The following ZNF395 variants were observed in gnomAD, a reference collection of about 807,000 sequenced individuals.
The protein encoded by ZNF395 is HD gene regulatory region-binding protein 2.
Under a neutral mutation model 57.7 loss-of-function variants are expected in ZNF395, and 20 were observed. The ratio of observed to expected loss-of-function variants is 0.35; its 90% CI spans 0.24 to 0.50. ZNF395 has a LOEUF of 0.50. ZNF395 is among the 20% of genes least tolerant of loss of function. ZNF395 has a pLI of 0.97. For synonymous variants in ZNF395, 295 were observed against 275.9 expected (o/e 1.07, Z -0.69); for missense variants, 606 against 671.2 (o/e 0.90, Z 1.07).
chr8:28,352,191 G>A lies in ZNF395; in HGVS notation c.920+382C>T, dbSNP rs1015913460. Among the ~76,000 whole-genome samples, 9 of 152,178 alleles carry A rather than the reference G, an allele frequency of 5.9e-5. No individual in the cohort carries two copies. The highest frequency in any genetic ancestry group is 3.3e-4 in the Admixed American group (5 of 15,288). ...TGCAAACTCGCTCTGCACAGAACAC[G>A]GCGGAGGCACCAGGGTGGGGCTAGC... On this transcript the variant is annotated intron_variant, in intron 6 of 9. Coordinates refer to ENST00000344423, the MANE Select transcript of ZNF395 (RefSeq NM_018660.3). This position sits in a 1 kb window ranked among gnomAD's most constrained non-coding sequence, Gnocchi z 4.0.
At chr8:28,372,740 T>C (rs1215132603) in intron 1 of ZNF395, among the ~76,000 whole-genome samples, 3 of 152,308 alleles carry the variant, frequency 2.0e-5, no homozygotes, top group Non-Finnish European at 2.9e-5. Context: ...TGAGTTGTAA[T>C]TGTCCCATGC....
intron 1 of ZNF395, among the ~76,000 whole-genome samples, chr8:28,371,318 C>T (rs553717279): frequency 2.0e-5 from 3 of 152,318 alleles, no homozygotes; most frequent in African/African-American, 4.8e-5. Context: ...ATAGCTGCGA[C>T]TACAGGTGCG....
chr8:28,367,169 C>T (rs1368860635), intron 1 of ZNF395, among the ~76,000 whole-genome samples: 2 of 152,010 alleles, frequency 1.3e-5, no homozygotes, highest in Admixed American at 6.6e-5. Flanking sequence ...GACTACACTG[C>T]ATCAGTGTAG....
rs759478170 is a variant in ZNF395 at position 28,353,216 on chromosome 8, G to A, written c.776C>T (p.Pro259Leu). The change falls in exon 5 of 10, where the codon CCT becomes CTT. Residue 259 changes from proline (P) to leucine (L), a missense_variant. Physicochemically the swap from Pro to Leu is moderately conservative, Grantham distance 98 (BLOSUM62 -3). Transcript: ENST00000344423. ...TGGTTCGTCCAGCAGGAAAGGGTCAGGATCGGTCTCAAAGCCATGATCAGT... is the reference window on the plus strand; with the variant it reads ...TGGTTCGTCCAGCAGGAAAGGGTCAAGATCGGTCTCAAAGCCATGATCAGT... ...PQTDHGFETD[P>L]DPFLLDEPAP... 2 of 1,613,828 alleles carry A rather than the reference G, an allele frequency of 1.2e-6. No individual in the cohort carries two copies. Among genetic ancestry groups the A allele is most frequent in the South Asian group, 1.1e-5 (1 of 91,058 alleles).
rs564087732 is a variant in ZNF395 at position 28,365,949 on chromosome 8, G to A, written c.-58-4767C>T. Reference sequence around the variant, plus strand: ...CACATGTCTCAGCACACGTAGGCACGCCCCCACACTTGTGTGCGTGCACAC... The same window carrying A: ...CACATGTCTCAGCACACGTAGGCACACCCCCACACTTGTGTGCGTGCACAC... On this transcript the variant is annotated intron_variant, in intron 1 of 9. Transcript: ENST00000344423. 1.1e-4 allele frequency among the ~76,000 whole-genome samples: 16 copies of A among 152,242 alleles called. No homozygotes were observed. In the East Asian group the frequency reaches 1.4e-3, roughly 13 times the overall value.
In ZNF395 at chr8:28,346,755, C is replaced by T. The variant is rs954460292; in HGVS notation, c.*1964G>A. ...GAGCGAAGTTCCCATGTGTCAAGAA[C>T]GTGCCCTCCCCTCCCCATGAGGACC... On this transcript the variant is annotated 3_prime_UTR_variant, in exon 10 of 10. Coordinates refer to ENST00000344423, the MANE Select transcript of ZNF395 (RefSeq NM_018660.3). The T allele has an allele frequency of 1.3e-5, 2 of 151,550 alleles. No individual in the cohort carries two copies. Among genetic ancestry groups the T allele is most frequent in the African/African-American group, 2.4e-5 (1 of 41,172 alleles). 9.4% of individuals were successfully genotyped at this position (151,550 alleles called of 1,614,324 possible). A position where few individuals can be genotyped will look rare whatever the true frequency, so the allele number is the denominator to read the frequency against.
chr8:28,368,059 C>T (rs945995959), intron 1 of ZNF395, among the ~76,000 whole-genome samples: 1 of 152,088 alleles, frequency 6.6e-6, no homozygotes, highest in Non-Finnish European at 1.5e-5. Flanking sequence ...TGTGGTGGGG[C>T]AGGGGCAGCG....
chr8:28,365,406 T>C (rs570392802), intron 1 of ZNF395: 1 of 152,428 alleles, frequency 6.6e-6, no homozygotes, highest in South Asian at 2.1e-4. Flanking sequence ...TCCTCCAGAA[T>C]CTCCACTTCA....
In ZNF395 at chr8:28,356,618, T is replaced by C. The variant is rs1232621037; in HGVS notation, c.583+52A>G. On this transcript the variant is annotated intron_variant, in intron 4 of 9. Transcript: ENST00000344423. This position sits in a 1 kb window ranked among gnomAD's most constrained non-coding sequence, Gnocchi z 4.0. The stretch of plus-strand genomic sequence containing the variant: ...ACTAGCTGCTCTGCACAGAGGATGT[T>C]TGTCGTGGGCCTCTACCATGCCCAG... 4.3e-6 allele frequency: 6 copies of C among 1,407,576 alleles called. No individual in the cohort carries two copies. Among genetic ancestry groups the C allele is most frequent in the Non-Finnish European group, 5.0e-6 (5 of 1,001,646 alleles). The allele number at this position is 1,407,576 out of a possible 1,614,324, so 87.2% of individuals were successfully genotyped here.
At chr8:28,362,281 G>A (rs71519687) in intron 1 of ZNF395, among the ~76,000 whole-genome samples, 3,492 of 152,166 alleles carry the variant, frequency 0.023, 84 homozygotes, top group East Asian at 0.13. Flanking sequence ...GGCCTGACCC[G>A]GCTGGCAGAA....
chr8:28,382,343 C>T (rs1469141669), intron 1 of ZNF395, among the ~76,000 whole-genome samples: 1 of 152,132 alleles, frequency 6.6e-6, no homozygotes, highest in African/African-American at 2.4e-5. Flanking sequence ...CCCTGGCCAC[C>T]GGTTTACAAC....
rs752594295 is a variant in ZNF395 at position 28,349,338 on chromosome 8, G to A, written c.1327-110C>T. On this transcript the variant is annotated intron_variant, in intron 8 of 9. Transcript: ENST00000344423. Reference sequence around the variant, plus strand: ...CCCAGCTCCTGGTGCAGAAGGCCTCGCACCTTCTCAGGGAGAACACTCCAG... The same window carrying A: ...CCCAGCTCCTGGTGCAGAAGGCCTCACACCTTCTCAGGGAGAACACTCCAG... 8.7e-4 allele frequency: 670 copies of A among 766,510 alleles called. 2 individuals carry two copies. Among genetic ancestry groups the A allele is most frequent in the Non-Finnish European group, 1.2e-3 (600 of 510,014 alleles). The allele number at this position is 766,510 out of a possible 1,614,324, so 47.5% of individuals were successfully genotyped here.
At chr8:28,355,098 G>A (rs1801764025) in intron 4 of ZNF395, among the ~76,000 whole-genome samples, 1 of 152,016 alleles carries the variant, frequency 6.6e-6, no homozygotes. Flanking sequence ...AGTTTTTCTA[G>A]GACACAGGCA....
At chr8:28,353,921 C>G (rs1229930989) in intron 4 of ZNF395, among the ~76,000 whole-genome samples, 1 of 152,180 alleles carries the variant, frequency 6.6e-6, no homozygotes, top group Non-Finnish European at 1.5e-5. Flanking sequence ...GTCTTCTTGA[C>G]CAGCTTTCCT....
intron 1 of ZNF395, among the ~76,000 whole-genome samples, chr8:28,381,818 T>C (rs921570851): frequency 1.3e-5 from 2 of 152,158 alleles, no homozygotes; most frequent in Non-Finnish European, 2.9e-5. Context: ...TGGAGAAATC[T>C]TGGGGTCACT....
In ZNF395 at chr8:28,356,581, G is replaced by A. The variant is rs943338633; in HGVS notation, c.583+89C>T. On this transcript the variant is annotated intron_variant, in intron 4 of 9. Transcript: ENST00000344423. This position sits in a 1 kb window ranked among gnomAD's most constrained non-coding sequence, Gnocchi z 4.0. ...CCCTGGACATTCTATTGCCAGGCTGGTGACATAGGCAACTAGCTGCTCTGC... is the reference window on the plus strand; with the variant it reads ...CCCTGGACATTCTATTGCCAGGCTGATGACATAGGCAACTAGCTGCTCTGC... 1 of 915,566 alleles carries A rather than the reference G, an allele frequency of 1.1e-6. No individual in the cohort carries two copies. The highest frequency in any genetic ancestry group is 1.7e-5 in the African/African-American group (1 of 60,092). The allele number at this position is 915,566 out of a possible 1,614,324, so 56.7% of individuals were successfully genotyped here.
At chr8:28,367,464 G>A (rs1015596810) in intron 1 of ZNF395, among the ~76,000 whole-genome samples, 2 of 152,174 alleles carry the variant, frequency 1.3e-5, no homozygotes, top group Non-Finnish European at 1.5e-5. Flanking sequence ...AATAATAAAC[G>A]ATCCTGATCA....
chr8:28,359,460 C>G lies in ZNF395; in HGVS notation c.473+132G>C, dbSNP rs1250767709. On this transcript the variant is annotated intron_variant, in intron 3 of 9. Coordinates refer to ENST00000344423, the MANE Select transcript of ZNF395 (RefSeq NM_018660.3). The surrounding 1 kb of genome is among the most constrained non-coding windows in gnomAD (Gnocchi z 4.7). ...CTTAAAAGATTCCCCTTTTCTGTGT[C>G]CCATTTGTCCCAATATCTTGGCACC... is the stretch of plus-strand genomic sequence containing the variant. The G allele has an allele frequency of 1.6e-6, 2 of 1,273,100 alleles. No individual in the cohort carries two copies. Among genetic ancestry groups the G allele is most frequent in the Admixed American group, 5.2e-5 (2 of 38,466 alleles). The allele number at this position is 1,273,100 out of a possible 1,614,324, so 78.9% of individuals were successfully genotyped here. A position where few individuals can be genotyped will look rare whatever the true frequency, so the allele number is the denominator to read the frequency against.
chr8:28,360,890 G>T lies in ZNF395; in HGVS notation c.235C>A (p.Gln79Lys), dbSNP rs748588956. ...CCATGTTGGGATCAACCTACCTTCTGCCCAGGCTGAAAGGCCACCTGCTGA... is the reference window on the plus strand; with the variant it reads ...CCATGTTGGGATCAACCTACCTTCTTCCCAGGCTGAAAGGCCACCTGCTGA... ...GLQQVAFQPG[Q>K]KVYVWYGGQE... Residue 79 changes from glutamine to lysine, a missense_variant, in exon 2 of 10, where the codon CAG becomes AAG. This residue lies in a region of ZNF395 where 309 missense variants were observed against 374.7 expected (regional missense o/e 0.82). Coordinates refer to ENST00000344423, the MANE Select transcript of ZNF395 (RefSeq NM_018660.3). 1.2e-6 allele frequency: 2 copies of T among 1,613,726 alleles called. No homozygotes were observed. The highest frequency in any genetic ancestry group is 1.7e-6 in the Non-Finnish European group (2 of 1,179,932).
Sources: allele counts gnomAD v4.1 joint callset (sites outside exome capture counted in the v4.1 genomes callset), GRCh38; gene constraint gnomAD v4.1.1; regional missense constraint gnomAD v4.1.1; non-coding constraint Gnocchi (gnomAD v3.1); transcripts MANE v1.5; gene names NCBI Gene and HGNC (gene_info 2026-07-23, HGNC 2026-07-21).